Variants in ATP8A2 observed in about 807,000 individuals in gnomAD.
ATP8A2 encodes ATPase phospholipid transporting 8A2.
A neutral mutation model predicts 165.6 loss-of-function variants in ATP8A2; 100 were observed. The observed-to-expected ratio is 0.60, with a 90% confidence interval of 0.51 to 0.71. The LOEUF is 0.71. Among genes scored for constraint, ATP8A2 ranks in the 30% least tolerant of loss-of-function variants. ATP8A2 has a pLI of 0.00. For missense variants in ATP8A2, 1,227 were observed against 1,479.5 expected, an observed-to-expected ratio of 0.83 and a Z score of 2.80; for synonymous variants, 543 against 548.8, an observed-to-expected ratio of 0.99 and a Z score of 0.15.
intron 16 of ATP8A2, among the ~76,000 whole-genome samples, chr13:25,565,456 G>T (rs2039284941): frequency 6.6e-6 from 1 of 152,172 alleles, no homozygotes; most frequent in Admixed American, 6.5e-5. Flanking sequence ...TTGTGGTTTT[G>T]ATTCACATTT....
At chr13:25,618,454 G>A (rs1274211789) in intron 24 of ATP8A2, among the ~76,000 whole-genome samples, 1 of 152,086 alleles carries the variant, frequency 6.6e-6, no homozygotes, top group African/African-American at 2.4e-5. Flanking sequence ...AGAAGGTGTG[G>A]AGCGGCTGGG....
intron 1 of ATP8A2, among the ~76,000 whole-genome samples, chr13:25,424,687 G>C (rs757830445): frequency 5.6e-4 from 86 of 152,308 alleles, no homozygotes; most frequent in Non-Finnish European, 1.0e-3. Context: ...GCCAGGCGCG[G>C]TGGCTCATGC....
chr13:25,637,392 A>G (rs983648911), intron 24 of ATP8A2, among the ~76,000 whole-genome samples: 6 of 152,118 alleles, frequency 3.9e-5, no homozygotes, highest in South Asian at 2.1e-4. Context: ...CACCTGGAAA[A>G]TTGGGTCACT....
chr13:25,632,545 T>C (rs931838373), intron 24 of ATP8A2, among the ~76,000 whole-genome samples: 1 of 152,168 alleles, frequency 6.6e-6, no homozygotes, highest in African/African-American at 2.4e-5. Context: ...CAAATACATA[T>C]TTCACAATAT....
chr13:25,730,233 A>G (rs2043590586), intron 25 of ATP8A2, among the ~76,000 whole-genome samples: 1 of 152,126 alleles, frequency 6.6e-6, no homozygotes, highest in Non-Finnish European at 1.5e-5. Flanking sequence ...TGAGGCTGCA[A>G]GTGAGCCGTG....
chr13:25,409,940 T>A (rs532647290), intron 1 of ATP8A2, among the ~76,000 whole-genome samples: 1 of 152,196 alleles, frequency 6.6e-6, no homozygotes, highest in Admixed American at 6.5e-5. Context: ...GGCTGCTTTT[T>A]AATGTGTGTA....
At chr13:25,689,433 T>G (rs948081508) in intron 24 of ATP8A2, among the ~76,000 whole-genome samples, 2 of 152,216 alleles carry the variant, frequency 1.3e-5, no homozygotes, top group Non-Finnish European at 2.9e-5. Flanking sequence ...TTTGTAAACT[T>G]AAGTTGTCTA....
chr13:25,751,780 CAAAAGT>C (rs1384828511), intron 25 of ATP8A2, among the ~76,000 whole-genome samples: 18 of 151,864 alleles, frequency 1.2e-4, no homozygotes, highest in Admixed American at 1.2e-3. Flanking sequence ...TTTTTCTTTA[CAAAAGT>C]AATCTATGTT....
At chr13:25,988,537 G>T (rs947435595) in intron 35 of ATP8A2, among the ~76,000 whole-genome samples, 8 of 118,594 alleles carry the variant, frequency 6.7e-5, no homozygotes, top group African/African-American at 2.7e-4. Context: ...GGACTTAATT[G>T]CTAATACTGC....
intron 10 of ATP8A2, among the ~76,000 whole-genome samples, chr13:25,547,589 TCACTACA>T (rs2038692275): frequency 6.6e-6 from 1 of 152,158 alleles, no homozygotes; most frequent in Admixed American, 6.5e-5. Context: ...TATAATTATT[TCACTACA>T]CACTACAATG....
chr13:25,938,096 T>C (rs1161110937), intron 33 of ATP8A2, among the ~76,000 whole-genome samples: 2 of 151,894 alleles, frequency 1.3e-5, no homozygotes, highest in Non-Finnish European at 2.9e-5. Context: ...ACGGGAAATG[T>C]AGCTAAAGTG....
intron 10 of ATP8A2, among the ~76,000 whole-genome samples, chr13:25,545,786 C>T (rs1289610861): frequency 1.3e-5 from 2 of 152,162 alleles, no homozygotes; most frequent in Non-Finnish European, 2.9e-5. Context: ...AGGCACACAC[C>T]ACCATGCCCG....
chr13:25,380,791 A>G (rs2032808897), intron 1 of ATP8A2, among the ~76,000 whole-genome samples: 1 of 152,180 alleles, frequency 6.6e-6, no homozygotes, highest in Non-Finnish European at 1.5e-5. Flanking sequence ...CAGGGAAACC[A>G]AGGTCATGAA....
chr13:25,745,497 G>A (rs1375593751), intron 25 of ATP8A2, among the ~76,000 whole-genome samples: 24 of 152,134 alleles, frequency 1.6e-4, no homozygotes, highest in Admixed American at 1.5e-3. Context: ...ATTTGATTTG[G>A]CATCATTTTC....
chr13:25,881,401 C>T (rs1952974488), intron 33 of ATP8A2, among the ~76,000 whole-genome samples: 1 of 152,174 alleles, frequency 6.6e-6, no homozygotes. Flanking sequence ...TGTGGGGTTG[C>T]TTTTGCTTTT....
At chr13:25,451,125 G>C (rs189662210) in intron 1 of ATP8A2, among the ~76,000 whole-genome samples, 2 of 151,998 alleles carry the variant, frequency 1.3e-5, no homozygotes, top group Non-Finnish European at 2.9e-5. Context: ...GTAGGTCACC[G>C]ATGCTCTGTT....
At chr13:25,883,515 C>T (rs751627019) in intron 33 of ATP8A2, among the ~76,000 whole-genome samples, 9 of 152,124 alleles carry the variant, frequency 5.9e-5, no homozygotes, top group Non-Finnish European at 1.3e-4. Context: ...GTTTTAGAGA[C>T]GGGACTGGCA....
chr13:25,514,274 A>T (rs1008278904), intron 2 of ATP8A2, among the ~76,000 whole-genome samples: 3 of 152,064 alleles, frequency 2.0e-5, no homozygotes, highest in Admixed American at 1.3e-4. Flanking sequence ...GACTCTGAGG[A>T]TATTAGAATT....
intron 1 of ATP8A2, among the ~76,000 whole-genome samples, chr13:25,392,623 C>A (rs894180116): frequency 7.9e-5 from 12 of 152,124 alleles, no homozygotes; most frequent in Admixed American, 7.9e-4. Flanking sequence ...CATAAACTAG[C>A]CTTTTATAAA....
Sources: allele counts gnomAD v4.1 joint callset (sites outside exome capture counted in the v4.1 genomes callset), GRCh38; gene constraint gnomAD v4.1.1; transcripts MANE v1.5; gene names NCBI Gene and HGNC (gene_info 2026-07-23, HGNC 2026-07-21).